Variants in SLC28A3 observed in about 807,000 individuals in gnomAD.
SLC28A3 encodes solute carrier family 28 member 3, also known as concentrative Na(+)-nucleoside cotransporter 3.
A neutral mutation model predicts 84.2 loss-of-function variants in SLC28A3; 68 were observed. That is an observed-to-expected ratio of 0.81 (90% CI 0.66 to 0.99). The LOEUF (loss-of-function observed/expected upper bound fraction) is 0.99, where lower values mean the gene tolerates loss of function less well. SLC28A3 is among the 50% of genes least tolerant of loss of function. The pLI, the probability that SLC28A3 is intolerant of heterozygous loss-of-function variation, is 0.00. For missense variants in SLC28A3, 712 were observed against 841.5 expected, an observed-to-expected ratio of 0.85 and a Z score of 1.90; for synonymous variants, 267 against 303.6, an observed-to-expected ratio of 0.88 and a Z score of 1.25.
At chr9:84,358,953 C>T in the SLC28A3 span, among the ~76,000 whole-genome samples, 4 of 152,160 alleles carry the variant, frequency 2.6e-5, no homozygotes, top group African/African-American at 7.2e-5. Flanking sequence ...CAAGCGAGCA[C>T]CACCACACCT....
chr9:84,318,866 T>C (rs1391822993), intron 1 of SLC28A3, among the ~76,000 whole-genome samples: 1 of 149,686 alleles, frequency 6.7e-6, no homozygotes, highest in African/African-American at 2.5e-5. Context: ...TGAAACCCTG[T>C]CTCAGAAAAA....
At position 84,340,746 on chromosome 9, in the gene SLC28A3, C is replaced by G; in HGVS notation, c.-113G>C. ...TGCTGTTACAGGGACCTGGGCACAG[C>G]TTGCTTCAGTTTGGAAACTTCTGCA... On this transcript the variant is annotated 5_prime_UTR_variant, in exon 1 of 18. Transcript: ENST00000376238. The G allele has an allele frequency of 8.4e-7, 1 of 1,189,642 alleles. No individual in the cohort carries two copies. Among genetic ancestry groups the G allele is most frequent in the Non-Finnish European group, 1.2e-6 (1 of 831,264 alleles). 73.7% of individuals were successfully genotyped at this position (1,189,642 alleles called of 1,614,324 possible).
At chr9:84,343,140 C>T (rs538654016), upstream of SLC28A3, among the ~76,000 whole-genome samples, 14 of 151,674 alleles carry the variant, frequency 9.2e-5, no homozygotes, top group Middle Eastern at 3.4e-3. Flanking sequence ...GTCGAGATCA[C>T]GCCACCGCAC....
In SLC28A3 at chr9:84,327,849, C is replaced by A. The variant is rs1826623109; in HGVS notation, c.60+12725G>T. On this transcript the variant is annotated intron_variant, in intron 1 of 17. Coordinates refer to ENST00000376238, the MANE Select transcript of SLC28A3 (RefSeq NM_001199633.2). ...AGGAAGTCAGGAGAATTGCTTGAACCCAGGAGGCAGAGGTTGCAGTCAGCC... is the reference window on the plus strand; with the variant it reads ...AGGAAGTCAGGAGAATTGCTTGAACACAGGAGGCAGAGGTTGCAGTCAGCC... 2.0e-5 allele frequency among the ~76,000 whole-genome samples: 3 copies of A among 148,144 alleles called. No homozygotes were observed. In the South Asian group the frequency reaches 6.3e-4, roughly 31 times the overall value.
intron 4 of SLC28A3, among the ~76,000 whole-genome samples, 163 bp downstream of exon 4, chr9:84,305,091 T>G (rs1825745358): frequency 6.6e-6 from 1 of 151,710 alleles, no homozygotes; most frequent in Non-Finnish European, 1.5e-5. Flanking sequence ...GCTTCCCCTA[T>G]AAAGGGCTTC....
chr9:84,321,850 G>A (rs1455803256), intron 1 of SLC28A3, among the ~76,000 whole-genome samples: 1 of 151,698 alleles, frequency 6.6e-6, no homozygotes, highest in Non-Finnish European at 1.5e-5. Flanking sequence ...AGGAGTTTGA[G>A]ACCAGCCTGG....
At chr9:84,328,003 A>G (rs1480805289) in intron 1 of SLC28A3, among the ~76,000 whole-genome samples, 3 of 151,888 alleles carry the variant, frequency 2.0e-5, no homozygotes, top group African/African-American at 7.3e-5. Context: ...TTCACCCAGT[A>G]CTGTTTCTCT....
In SLC28A3 at chr9:84,302,340, G is replaced by A; in HGVS notation, c.384C>T (p.Ala128=). 6.2e-7 allele frequency: 1 copy of A among 1,614,092 alleles called. No individual in the cohort carries two copies. The highest frequency in any genetic ancestry group is 2.2e-5 in the East Asian group (1 of 44,862). Residue 128 remains alanine (A), a synonymous_variant, in exon 5 of 18, where the codon GCC becomes GCT. Transcript: ENST00000376238. ...CCACGGTGATCACAAAAAGAGGAAGGGCTCTGTGAAAGTTCAGCACACAGG... is the reference window on the plus strand; with the variant it reads ...CCACGGTGATCACAAAAAGAGGAAGAGCTCTGTGAAAGTTCAGCACACAGG... ...ISACVLNFHR[A]LPLFVITVAA...
At chr9:84,342,316 G>T (rs7867985), upstream of SLC28A3, among the ~76,000 whole-genome samples, 8,146 of 151,452 alleles carry the variant, frequency 0.054, 445 homozygotes, top group East Asian at 0.17. Context: ...AGGAAAAAAC[G>T]GAGACAAACT....
chr9:84,292,796 C>A, intron 9 of SLC28A3, 48 bp from the exon 10 acceptor site: 1 of 1,324,280 alleles, frequency 7.6e-7, no homozygotes, highest in Non-Finnish European at 1.0e-6. Flanking sequence ...TTTGTATACC[C>A]AAAACTTCAA....
intron 1 of SLC28A3, among the ~76,000 whole-genome samples, chr9:84,337,640 G>A (rs1455369719): frequency 2.0e-5 from 3 of 152,006 alleles, no homozygotes; most frequent in African/African-American, 4.8e-5. Flanking sequence ...CCACATACAC[G>A]CAATACTTTA....
the SLC28A3 span, among the ~76,000 whole-genome samples, chr9:84,368,127 G>A: frequency 0.021 from 3,215 of 152,260 alleles, 116 homozygotes; most frequent in African/African-American, 0.073. Context: ...TTCTTGGGCA[G>A]AGGTCCCTGT....
At chr9:84,359,109 C>T in the SLC28A3 span, among the ~76,000 whole-genome samples, 1 of 152,158 alleles carries the variant, frequency 6.6e-6, no homozygotes. Flanking sequence ...TCAGCATCTC[C>T]AGCCCCGTCC....
chr9:84,282,048 A>G (rs1306058870), intron 14 of SLC28A3, among the ~76,000 whole-genome samples: 1 of 152,236 alleles, frequency 6.6e-6, no homozygotes, highest in East Asian at 1.9e-4. Context: ...AGGCTGAGGC[A>G]GGAGAATCAC....
At chr9:84,335,222 C>G (rs1194493167) in intron 1 of SLC28A3, among the ~76,000 whole-genome samples, 1 of 152,026 alleles carries the variant, frequency 6.6e-6, no homozygotes, top group South Asian at 2.1e-4. Context: ...CTTTTTTGCT[C>G]TAACTTTATT....
chr9:84,282,462 G>A (rs1050081744), intron 14 of SLC28A3, among the ~76,000 whole-genome samples: 3 of 152,206 alleles, frequency 2.0e-5, no homozygotes, highest in South Asian at 4.1e-4. Flanking sequence ...TATCACAGGA[G>A]CTTCCTTATA....
rs758025676 is a variant in SLC28A3 at position 84,279,269 on chromosome 9, T to A, written c.1945A>T (p.Ser649Cys). The A allele has an allele frequency of 3.7e-6, 6 of 1,609,682 alleles. No individual in the cohort carries two copies. The highest frequency in any genetic ancestry group is 1.7e-5 in the Admixed American group (1 of 59,258). Residue 649 changes from serine (S) to cysteine (C), a missense_variant, in exon 17 of 18, where the codon AGC becomes TGC. Ser to Cys is a moderately radical substitution (Grantham distance 112). Coordinates refer to ENST00000376238, the MANE Select transcript of SLC28A3 (RefSeq NM_001199633.2). Reference sequence around the variant, plus strand: ...TTATAATCAAGAATACAATACCTGCTCAACAGACTTTGGCAACAAGCTATC... The same window carrying A: ...TTATAATCAAGAATACAATACCTGCACAACAGACTTTGGCAACAAGCTATC... ...KVIACCQSLL[S>C]STVAKGPGEV...
chr9:84,344,558 C>T (rs559916331), upstream of SLC28A3, among the ~76,000 whole-genome samples: 2 of 151,992 alleles, frequency 1.3e-5, no homozygotes, highest in Non-Finnish European at 2.9e-5. Flanking sequence ...CATTATGAGA[C>T]AAGGAAGAAA....
In SLC28A3 at chr9:84,297,989, C is replaced by T. The variant is rs766927064; in HGVS notation, c.700G>A (p.Gly234Arg). ...AAGAGCCCAAGAAGAAACTGTAGCC[C>T]GATTCCCCATAAGACAGGTCTCCAG... ...VYWRPVLWGI[G>R]LQFLLGLLIL... The change falls in exon 7 of 18, where the codon GGG (glycine) becomes AGG (arginine). Residue 234 changes from glycine (G) to arginine (R), a missense_variant. Gly to Arg is a moderately radical substitution (Grantham distance 125). Coordinates refer to ENST00000376238, the MANE Select transcript of SLC28A3 (RefSeq NM_001199633.2). The T allele has an allele frequency of 2.4e-5, 39 of 1,612,378 alleles. No homozygotes were observed. Among genetic ancestry groups the T allele is most frequent in the Non-Finnish European group, 2.7e-5 (32 of 1,179,678 alleles).
Sources: gnomAD v4.1 joint callset for allele counts (sites outside exome capture counted in the v4.1 genomes callset) on GRCh38, gnomAD v4.1.1 for gene constraint, MANE v1.5 for transcripts, NCBI Gene and HGNC (gene_info 2026-07-23, HGNC 2026-07-21) for gene names.